DLG3: variants seen among roughly 807,000 people sequenced by gnomAD.
DLG3 encodes discs large MAGUK scaffold protein 3, also known as disks large homolog 3.
A neutral mutation model predicts 64.1 loss-of-function variants in DLG3; 1 was observed. The observed-to-expected ratio is 0.02, with a 90% CI of 0.01 to 0.07. The LOEUF is 0.07. Among genes scored for constraint, DLG3 ranks in the 10% least tolerant of loss-of-function variants. The probability of loss-of-function intolerance (pLI) is 1.00; values close to 1 mark genes in which losing one functional copy is unlikely to be tolerated. For missense variants in DLG3, 429 were observed against 669.5 expected, an observed-to-expected ratio of 0.64 and a Z score of 3.96; for synonymous variants, 245 against 259.8, an observed-to-expected ratio of 0.94 and a Z score of 0.55.
chrX:70,475,040 T>C (rs1183051097), intron 9 of DLG3, among the ~76,000 whole-genome samples: 1 of 110,844 alleles, frequency 9.0e-6, no homozygotes, highest in Non-Finnish European at 1.9e-5. Context: ...CAAACAAATA[T>C]ACAGTGCAGG....
At chrX:70,447,509 G>A (rs776524818) in intron 1 of DLG3, among the ~76,000 whole-genome samples, 1 of 112,397 alleles carries the variant, frequency 8.9e-6, no homozygotes, top group Non-Finnish European at 1.9e-5. Flanking sequence ...GGCATGATGA[G>A]CTAGTCCTCT....
intron 9 of DLG3, among the ~76,000 whole-genome samples, chrX:70,475,509 C>A (rs2087040480): frequency 9.0e-6 from 1 of 111,674 alleles, no homozygotes; most frequent in Admixed American, 9.5e-5. Context: ...AGGCGTGTGG[C>A]CACCACACCT....
At chrX:70,501,795 C>G (rs112625260) in intron 18 of DLG3, among the ~76,000 whole-genome samples, 2,479 of 111,976 alleles carry the variant, frequency 0.022, 37 homozygotes, top group Non-Finnish European at 0.033. Context: ...TTTAGAATAA[C>G]AAGCTGCTGG....
chrX:70,496,235 AG>A (rs1484485768), intron 13 of DLG3, among the ~76,000 whole-genome samples: 2 of 112,305 alleles, frequency 1.8e-5, no homozygotes, highest in Non-Finnish European at 3.8e-5. Flanking sequence ...CCAAAGGCAA[AG>A]GAGTTGCCCA....
At chrX:70,455,055 C>T in intron 9 of DLG3, 1 of 752,347 alleles carries the variant, frequency 1.3e-6, no homozygotes, top group African/African-American at 2.3e-5. Flanking sequence ...CATGCCCCGC[C>T]CCCTGACCCA....
intron 7 of DLG3, chrX:70,453,066 G>A (rs1386942197): frequency 4.3e-6 from 1 of 232,368 alleles, no homozygotes; most frequent in Admixed American, 6.4e-5. Context: ...GAACCCAGGC[G>A]CTGCAACCCC....
chrX:70,479,769 C>T (rs970905656), intron 10 of DLG3, among the ~76,000 whole-genome samples: 8 of 111,215 alleles, frequency 7.2e-5, no homozygotes, highest in African/African-American at 9.8e-5. Context: ...CCTCACCACC[C>T]GCTGCACTGG....
chrX:70,499,841 C>A (rs749850856), intron 15 of DLG3, 36 bp from the exon 16 acceptor site: 4 of 1,185,099 alleles, frequency 3.4e-6, no homozygotes, highest in Non-Finnish European at 4.5e-6. Context: ...CGGATCACTG[C>A]CCCTGGGCCA....
chrX:70,455,239 G>T, intron 9 of DLG3: 1 of 754,903 alleles, frequency 1.3e-6, no homozygotes, highest in Non-Finnish European at 1.6e-6. Context: ...CTCAGCACTA[G>T]ATCTGGACTC....
At chrX:70,494,103 G>A (rs754679585) in intron 12 of DLG3, among the ~76,000 whole-genome samples, 4 of 112,318 alleles carry the variant, frequency 3.6e-5, no homozygotes, top group Non-Finnish European at 7.5e-5. Context: ...TGACATGGAA[G>A]GAGTGTTGCT....
chrX:70,501,270 ACT>A (rs1006247732), intron 18 of DLG3, among the ~76,000 whole-genome samples: 3 of 109,786 alleles, frequency 2.7e-5, no homozygotes, highest in Non-Finnish European at 5.7e-5. Context: ...TCCCTGTATT[ACT>A]CTGTCTCCCT....
At chrX:70,488,337 A>G (rs1010570836) in intron 10 of DLG3, among the ~76,000 whole-genome samples, 1 of 111,931 alleles carries the variant, frequency 8.9e-6, no homozygotes, top group African/African-American at 3.3e-5. Flanking sequence ...GAAAAAGCAC[A>G]TGTGACTGTG....
rs1051769473 is a variant in DLG3, at chrX:70,502,829, CATATA to C, written c.*566_*570del. 2.8e-5 allele frequency: 3 copies of C among 107,977 alleles called. No individual in the cohort carries two copies. Among genetic ancestry groups the C allele is most frequent in the African/African-American group, 1.0e-4 (3 of 29,806 alleles). 8.9% of individuals were successfully genotyped at this position (107,977 alleles called of 1,213,427 possible). On this transcript the variant is annotated 3_prime_UTR_variant, in exon 19 of 19. Transcript: ENST00000374360. ...ATTATATATATATATTATACACTCT[CATATA>C]ATATATATATATTCACACACATTTG...
At chrX:70,493,426 A>G in intron 12 of DLG3, 1 of 1,208,785 alleles carries the variant, frequency 8.3e-7, no homozygotes, top group East Asian at 3.0e-5. Flanking sequence ...GAAAGTTTCC[A>G]TTTTACAAGA....
intron 10 of DLG3, among the ~76,000 whole-genome samples, 159 bp from the exon 11 acceptor site, chrX:70,491,948 G>A (rs1300393498): frequency 8.9e-6 from 1 of 111,748 alleles, no homozygotes; most frequent in African/African-American, 3.3e-5. Flanking sequence ...TTACCACTTT[G>A]GCTCAGAAAG....
At position 70,500,952 on chromosome X, in the gene DLG3, C is replaced by T; in HGVS notation, c.2310C>T (p.Ala770=). ...YEQANKIYDK[A]MKLEQEFGEY... is the part of the protein sequence containing the mutation. ...AAGCAAATAAGATCTATGACAAAGC[C>T]ATGAAACTGGAGCAGGAATTTGGAG... The change falls in exon 18 of 19, where the codon GCC becomes GCT. Residue 770 remains alanine, a synonymous_variant. Transcript: ENST00000374360. 2.5e-6 allele frequency: 3 copies of T among 1,202,571 alleles called. No homozygotes were observed. Among genetic ancestry groups the T allele is most frequent in the Non-Finnish European group, 3.4e-6 (3 of 890,581 alleles).
intron 10 of DLG3, among the ~76,000 whole-genome samples, chrX:70,480,406 G>A (rs1234894582): frequency 1.8e-5 from 2 of 111,602 alleles, no homozygotes; most frequent in African/African-American, 6.5e-5. Context: ...AGCTAAAGGA[G>A]CCCATCTCTG....
At chrX:70,496,805 T>C (rs1475242723) in intron 13 of DLG3, among the ~76,000 whole-genome samples, 1 of 113,087 alleles carries the variant, frequency 8.8e-6, no homozygotes, top group Non-Finnish European at 1.9e-5. Flanking sequence ...GACTGGTCCC[T>C]GGACTTCTCT....
At chrX:70,474,620 A>G (rs1439173668) in intron 9 of DLG3, among the ~76,000 whole-genome samples, 1 of 110,936 alleles carries the variant, frequency 9.0e-6, no homozygotes, top group Non-Finnish European at 1.9e-5. Context: ...CAGCGTCTTA[A>G]CTCATGGTTA....
Sources: allele counts gnomAD v4.1 joint callset (sites outside exome capture counted in the v4.1 genomes callset), GRCh38; gene constraint gnomAD v4.1.1; transcripts MANE v1.5; gene names NCBI Gene and HGNC (gene_info 2026-07-23, HGNC 2026-07-21).